MAN1A2: variants seen among roughly 807,000 people sequenced by gnomAD.
MAN1A2 encodes mannosyl-oligosaccharide 1,2-alpha-mannosidase IB.
Under a neutral mutation model 75.7 loss-of-function variants are expected in MAN1A2, and 26 were observed. The ratio of observed to expected loss-of-function variants is 0.34; its 90% confidence interval spans 0.25 to 0.48. MAN1A2 has a LOEUF of 0.48. Ranked by LOEUF, MAN1A2 falls within the 20% of genes least tolerant of loss-of-function variation. The pLI, the probability that MAN1A2 is intolerant of heterozygous loss-of-function variation, is 0.99. For synonymous variants in MAN1A2, 247 were observed against 264.6 expected (o/e 0.93, Z 0.65); for missense variants, 562 against 775.5 (o/e 0.72, Z 3.27).
chr1:117,528,609 A>G lies in MAN1A2; in HGVS notation c.*5652A>G, dbSNP rs552948728. On this transcript the variant is annotated 3_prime_UTR_variant, in exon 13 of 13. Transcript: ENST00000356554. ...GAAAAAATATTTTTAAAGAAAATTT[A>G]GAAGTTTTTGCTGAATTAAAGTATC... 3.4e-4 allele frequency: 52 copies of G among 152,262 alleles called. 1 individual carries two copies. Among genetic ancestry groups the G allele is most frequent in the African/African-American group, 1.2e-3 (51 of 41,580 alleles). 9.4% of individuals were successfully genotyped at this position (152,262 alleles called of 1,614,324 possible). A position where few individuals can be genotyped will look rare whatever the true frequency, so the allele number is the denominator to read the frequency against.
intron 11 of MAN1A2, among the ~76,000 whole-genome samples, chr1:117,499,828 T>A (rs1386714676): frequency 6.6e-6 from 1 of 150,678 alleles, no homozygotes; most frequent in Admixed American, 6.6e-5. Flanking sequence ...AGGAAGCAAG[T>A]GGTTTACTCT....
chr1:117,465,375 G>A (rs1649950982), intron 7 of MAN1A2, among the ~76,000 whole-genome samples: 1 of 152,114 alleles, frequency 6.6e-6, no homozygotes, highest in African/African-American at 2.4e-5. Context: ...TTTTCAGATT[G>A]AGATTGTTAT....
intron 5 of MAN1A2, among the ~76,000 whole-genome samples, chr1:117,420,999 A>G (rs764425365): frequency 1.3e-5 from 2 of 152,102 alleles, no homozygotes; most frequent in African/African-American, 4.8e-5. Flanking sequence ...AAGAATTAAT[A>G]TGGATCCTCC....
chr1:117,508,250 A>C (rs545632630), intron 12 of MAN1A2, among the ~76,000 whole-genome samples: 3 of 151,842 alleles, frequency 2.0e-5, no homozygotes, highest in African/African-American at 7.2e-5. Context: ...ATACATTTCA[A>C]CCATTTTTTT....
chr1:117,475,528 C>T (rs1048787514), intron 8 of MAN1A2, among the ~76,000 whole-genome samples: 12 of 151,882 alleles, frequency 7.9e-5, no homozygotes, highest in Non-Finnish European at 1.2e-4. Flanking sequence ...TCCCACCCAC[C>T]GACAGGCCCC....
intron 1 of MAN1A2, among the ~76,000 whole-genome samples, chr1:117,396,973 T>A (rs1653923448): frequency 6.6e-6 from 1 of 151,840 alleles, no homozygotes; most frequent in Non-Finnish European, 1.5e-5. Context: ...GGTTGTAGTG[T>A]GAGGCATGGG....
At chr1:117,441,267 A>G (rs144633337) in intron 5 of MAN1A2, among the ~76,000 whole-genome samples, 2 of 152,236 alleles carry the variant, frequency 1.3e-5, no homozygotes, top group African/African-American at 4.8e-5. Context: ...TAATGTTGGT[A>G]TGCTTTGTTA....
At chr1:117,503,457 T>A (rs1435570779) in intron 12 of MAN1A2, among the ~76,000 whole-genome samples, 2 of 151,490 alleles carry the variant, frequency 1.3e-5, no homozygotes, top group Non-Finnish European at 3.0e-5. Context: ...CGATGAGCCT[T>A]ACTGTAAAGA....
At chr1:117,411,600 T>G (rs553339603) in intron 3 of MAN1A2, among the ~76,000 whole-genome samples, 1 of 151,724 alleles carries the variant, frequency 6.6e-6, no homozygotes, top group African/African-American at 2.4e-5. Context: ...AGATTTCTGC[T>G]CCCCAAAGAC....
At position 117,527,349 on chromosome 1, in the gene MAN1A2, C is replaced by T. The variant is rs1339611595; in HGVS notation, c.*4392C>T. The T allele has an allele frequency of 6.6e-6, 1 of 152,002 alleles. No homozygotes were observed. Among genetic ancestry groups the T allele is most frequent in the East Asian group, 1.9e-4 (1 of 5,176 alleles). The allele number at this position is 152,002 out of a possible 1,614,324, so 9.4% of individuals were successfully genotyped here. ...AAGCAGATGGAGGGCTGGATTTGGT[C>T]CATGGGTCATAGTTAGTGACCCTGA... On this transcript the variant is annotated 3_prime_UTR_variant, in exon 13 of 13. Transcript: ENST00000356554.
rs768661846 is a variant in MAN1A2 at position 117,402,222 on chromosome 1, T to C, written c.339T>C (p.Ala113=). Residue 113 remains alanine (A), a synonymous_variant, in exon 2 of 13, where the codon GCT becomes GCC. Coordinates refer to ENST00000356554, the MANE Select transcript of MAN1A2 (RefSeq NM_006699.5). The part of the protein sequence containing the change: ...EEERLRNKIR[A]DHEKALEEAK... ...AACGTCTGAGAAATAAAATTCGAGCTGATCATGAGAAGGCCTTGGAAGAAG... is the reference window on the plus strand; with the variant it reads ...AACGTCTGAGAAATAAAATTCGAGCCGATCATGAGAAGGCCTTGGAAGAAG... The C allele has an allele frequency of 2.5e-6, 4 of 1,611,688 alleles. No homozygotes were observed. The South Asian group carries it at 4.4e-5, about 18-fold the overall frequency.
At chr1:117,462,312 C>T (rs1005701137) in intron 7 of MAN1A2, among the ~76,000 whole-genome samples, 8 of 151,630 alleles carry the variant, frequency 5.3e-5, no homozygotes, top group African/African-American at 9.7e-5. Flanking sequence ...TAATAAAATA[C>T]AAAATAGTAA....
At chr1:117,375,915 G>GTTTT (rs33969366) in intron 1 of MAN1A2, among the ~76,000 whole-genome samples, 60 of 140,964 alleles carry the variant, frequency 4.3e-4, no homozygotes, top group African/African-American at 1.1e-3. Context: ...ATTAATTTAT[G>GTTTT]TTTTTTTTTT....
intron 1 of MAN1A2, among the ~76,000 whole-genome samples, chr1:117,374,137 A>G (rs1487332233): frequency 2.0e-5 from 3 of 152,108 alleles, no homozygotes; most frequent in Admixed American, 1.3e-4. Flanking sequence ...CTGTCACTGC[A>G]CATACTCGCA....
At chr1:117,518,648 A>C (rs1311489800) in intron 12 of MAN1A2, among the ~76,000 whole-genome samples, 1 of 152,100 alleles carries the variant, frequency 6.6e-6, no homozygotes, top group Admixed American at 6.6e-5. Flanking sequence ...AGTCCTAAAC[A>C]TATATGCACC....
intron 8 of MAN1A2, among the ~76,000 whole-genome samples, chr1:117,478,897 G>A (rs1268079364): frequency 6.6e-6 from 1 of 151,676 alleles, no homozygotes; most frequent in Non-Finnish European, 1.5e-5. Flanking sequence ...TAGGTCCTTT[G>A]CATTTTCTTT....
intron 1 of MAN1A2, among the ~76,000 whole-genome samples, chr1:117,376,345 C>T (rs1042433815): frequency 2.6e-5 from 4 of 152,230 alleles, no homozygotes; most frequent in South Asian, 4.1e-4. Flanking sequence ...CATACAGCTC[C>T]GCTTATTATG....
chr1:117,495,340 GTTAA>G (rs565042108), intron 9 of MAN1A2, among the ~76,000 whole-genome samples: 220 of 151,654 alleles, frequency 1.5e-3, no homozygotes, highest in African/African-American at 5.0e-3. Context: ...TCTTTGCAGT[GTTAA>G]TTATTTTCAA....
At chr1:117,466,233 G>C (rs1036847605) in intron 7 of MAN1A2, 101 bp from the exon 8 acceptor site, 2 of 716,514 alleles carry the variant, frequency 2.8e-6, no homozygotes, top group Non-Finnish European at 4.6e-6. Flanking sequence ...GCAGGGAATA[G>C]GTGTAGATTC....
Sources: allele counts gnomAD v4.1 joint callset (sites outside exome capture counted in the v4.1 genomes callset), GRCh38; gene constraint gnomAD v4.1.1; transcripts MANE v1.5; gene names NCBI Gene and HGNC (gene_info 2026-07-23, HGNC 2026-07-21).